CREB5: variants seen among roughly 807,000 people sequenced by gnomAD.
CREB5 encodes cyclic AMP-responsive element-binding protein 5.
In CREB5, 19 loss-of-function variants were observed where a neutral mutation model predicts 57.1. The ratio of observed to expected loss-of-function variants is 0.33; its 90% confidence interval spans 0.23 to 0.49. CREB5 has a LOEUF of 0.49. Ranked by LOEUF, CREB5 falls within the 20% of genes least tolerant of loss-of-function variation. The pLI, the probability that CREB5 is intolerant of heterozygous loss-of-function variation, is 0.99. For synonymous variants in CREB5, 238 were observed against 238.3 expected (o/e 1.00, Z 0.01); for missense variants, 579 against 671.6 (o/e 0.86, Z 1.52).
chr7:28,607,827 C>G (rs1214119303), intron 5 of CREB5, among the ~76,000 whole-genome samples: 2 of 148,252 alleles, frequency 1.3e-5, no homozygotes, highest in East Asian at 4.1e-4. Context: ...AGATAGTATT[C>G]TAACAAAGCC....
chr7:28,742,208 A>T (rs1804398466), intron 7 of CREB5, among the ~76,000 whole-genome samples: 1 of 152,210 alleles, frequency 6.6e-6, no homozygotes. Flanking sequence ...CAGAAGGATT[A>T]AATCTACCCA....
intron 1 of CREB5, among the ~76,000 whole-genome samples, chr7:28,308,731 A>C (rs1156830653): frequency 6.6e-6 from 1 of 152,198 alleles, no homozygotes; most frequent in Non-Finnish European, 1.5e-5. Context: ...CATTGCAGGA[A>C]TCATATAATG....
chr7:28,533,865 A>C (rs1450179642), intron 4 of CREB5, among the ~76,000 whole-genome samples: 1 of 151,696 alleles, frequency 6.6e-6, no homozygotes, highest in Non-Finnish European at 1.5e-5. Context: ...ATGGTGCTAC[A>C]TAGGCTGGCT....
chr7:28,797,864 G>A (rs1421998193), intron 7 of CREB5, among the ~76,000 whole-genome samples: 6 of 152,072 alleles, frequency 3.9e-5, no homozygotes, highest in Admixed American at 3.3e-4. Flanking sequence ...TGAAGTGAAG[G>A]CTTCATGCAG....
intron 5 of CREB5, among the ~76,000 whole-genome samples, chr7:28,589,413 G>A (rs750399311): frequency 2.6e-5 from 4 of 152,112 alleles, no homozygotes; most frequent in Non-Finnish European, 5.9e-5. Flanking sequence ...AATTAGCTGA[G>A]TGTGGTGGCA....
At chr7:28,607,462 A>G (rs539928558) in intron 5 of CREB5, among the ~76,000 whole-genome samples, 2 of 152,314 alleles carry the variant, frequency 1.3e-5, no homozygotes, top group East Asian at 3.9e-4. Context: ...GCTCATTGAC[A>G]GGAGGATCCA....
At chr7:28,658,124 T>C (rs1469053025) in intron 5 of CREB5, among the ~76,000 whole-genome samples, 3 of 152,166 alleles carry the variant, frequency 2.0e-5, no homozygotes, top group Non-Finnish European at 2.9e-5. Flanking sequence ...AATACACTCA[T>C]AAGGGCGGAG....
intron 7 of CREB5, among the ~76,000 whole-genome samples, chr7:28,765,707 A>G (rs1324932705): frequency 2.6e-5 from 4 of 152,234 alleles, no homozygotes; most frequent in Non-Finnish European, 1.5e-5. Context: ...GTTGGTATTC[A>G]CAGCAGAGGT....
intron 7 of CREB5, among the ~76,000 whole-genome samples, chr7:28,800,400 G>C (rs975608498): frequency 6.6e-6 from 1 of 152,292 alleles, no homozygotes; most frequent in African/African-American, 2.4e-5. Flanking sequence ...GAAGAGAAAG[G>C]GCTGACGGGA....
rs145994686 is a variant in CREB5 at position 28,359,728 on chromosome 7, A to G, written c.-25+60287A>G. 3.5e-4 allele frequency among the ~76,000 whole-genome samples: 53 copies of G among 152,356 alleles called. No homozygotes were observed. In the East Asian group the frequency reaches 8.5e-3, roughly 24 times the overall value. ...AGCAAAAATAGATAAATAGGATTAC[A>G]TCAAACTTAAAAAGCTTCTGTACAT... On this transcript the variant is annotated intron_variant, in intron 1 of 9. Coordinates refer to the CREB5 transcript ENST00000396299.
chr7:28,411,984 A>G (rs1221029738), upstream of CREB5, among the ~76,000 whole-genome samples: 1 of 152,236 alleles, frequency 6.6e-6, no homozygotes, highest in African/African-American at 2.4e-5. Flanking sequence ...TGGGCACTGG[A>G]AAGTGTGATT....
intron 7 of CREB5, among the ~76,000 whole-genome samples, chr7:28,745,419 T>G (rs1482418016): frequency 6.6e-6 from 1 of 152,244 alleles, no homozygotes; most frequent in Non-Finnish European, 1.5e-5. Context: ...TTAGCCTTGA[T>G]GCTAGATGAT....
At chr7:28,408,530 G>A (rs981965706), upstream of CREB5, among the ~76,000 whole-genome samples, 1 of 152,172 alleles carries the variant, frequency 6.6e-6, no homozygotes, top group African/African-American at 2.4e-5. Context: ...CAGCCCGTGA[G>A]CTTGGGCCAG....
chr7:28,579,164 T>G (rs1014015967), intron 5 of CREB5, among the ~76,000 whole-genome samples: 1 of 152,340 alleles, frequency 6.6e-6, no homozygotes, highest in Middle Eastern at 3.4e-3. Context: ...GGTTGTCTAA[T>G]AAATGCTTTC....
intron 1 of CREB5, among the ~76,000 whole-genome samples, chr7:28,310,500 G>A (rs1052398286): frequency 1.3e-5 from 2 of 152,218 alleles, no homozygotes; most frequent in South Asian, 4.1e-4. Context: ...ACAGAGATGG[G>A]TGGAGTGGAC....
intron 7 of CREB5, among the ~76,000 whole-genome samples, chr7:28,730,097 C>T (rs1562601111): frequency 2.0e-5 from 3 of 152,220 alleles, no homozygotes. Flanking sequence ...CTGAATCAAG[C>T]ACTTATGTAT....
At chr7:28,601,611 G>A (rs2128670311) in intron 5 of CREB5, among the ~76,000 whole-genome samples, 1 of 152,230 alleles carries the variant, frequency 6.6e-6, no homozygotes, top group East Asian at 1.9e-4. Context: ...ACATGGCAAG[G>A]GCTCGTCATT....
intron 7 of CREB5, among the ~76,000 whole-genome samples, chr7:28,775,223 C>T (rs947465069): frequency 1.3e-5 from 2 of 151,906 alleles, no homozygotes; most frequent in Non-Finnish European, 2.9e-5. Flanking sequence ...GCCCACAATC[C>T]CTCCTGCTTC....
intron 1 of CREB5, among the ~76,000 whole-genome samples, chr7:28,307,441 A>G (rs1379422666): frequency 6.6e-6 from 1 of 152,170 alleles, no homozygotes; most frequent in Non-Finnish European, 1.5e-5. Flanking sequence ...AAAAGGGGAG[A>G]CTGGGCCCCT....
Sources: gnomAD v4.1 joint callset for allele counts (sites outside exome capture counted in the v4.1 genomes callset) on GRCh38, gnomAD v4.1.1 for gene constraint, MANE v1.5 for transcripts, NCBI Gene and HGNC (gene_info 2026-07-23, HGNC 2026-07-21) for gene names.